IL1RAP: variants seen among roughly 807,000 people sequenced by gnomAD.
IL1RAP encodes interleukin 1 receptor accessory protein.
In IL1RAP, 35 loss-of-function variants were observed where a neutral mutation model predicts 60.7. The observed-to-expected ratio is 0.58, with a 90% confidence interval of 0.44 to 0.76. The LOEUF is 0.76. IL1RAP is among the 30% of genes least tolerant of loss of function. IL1RAP has a pLI of 0.00. For missense variants in IL1RAP, 572 were observed against 693.9 expected (o/e 0.82, Z 1.97); for synonymous variants, 268 against 250.9 (o/e 1.07, Z -0.64).
chr3:190,627,397 A>G lies in IL1RAP; in HGVS notation c.850A>G (p.Ile284Val). 1 of 1,613,394 alleles carries G rather than the reference A, an allele frequency of 6.2e-7. No individual in the cohort carries two copies. Among genetic ancestry groups the G allele is most frequent in the South Asian group, 1.1e-5 (1 of 91,050 alleles). Residue 284 changes from isoleucine to valine, a missense_variant, in exon 8 of 12, where the codon ATT becomes GTT. Coordinates refer to ENST00000447382, the MANE Select transcript of IL1RAP (RefSeq NM_002182.4). Reference protein sequence around the residue: ...MDSRNEVWWTIDGKKPDDITI... With the variant: ...MDSRNEVWWTVDGKKPDDITI... The stretch of plus-strand genomic sequence containing the variant: ...TTCTCGCAATGAGGTTTGGTGGACC[A>G]TTGATGGAAAAAAACCTGATGACAT...
chr3:190,580,092 T>A (rs1577648894), intron 3 of IL1RAP, among the ~76,000 whole-genome samples: 1 of 152,364 alleles, frequency 6.6e-6, no homozygotes, highest in East Asian at 1.9e-4. Flanking sequence ...GGTATATAGC[T>A]GTAAGTTGAA....
At chr3:190,536,408 A>G (rs2108550029) in intron 1 of IL1RAP, among the ~76,000 whole-genome samples, 1 of 152,068 alleles carries the variant, frequency 6.6e-6, no homozygotes, top group South Asian at 2.1e-4. Context: ...CCAGCTGTTG[A>G]GGTATGACTG....
intron 3 of IL1RAP, among the ~76,000 whole-genome samples, chr3:190,566,133 A>G (rs901016907): frequency 9.9e-5 from 15 of 151,948 alleles, no homozygotes; most frequent in African/African-American, 3.4e-4. Context: ...GCCTGAGGGC[A>G]GGAACTTGTT....
chr3:190,518,968 ATT>A (rs1465295689), intron 1 of IL1RAP: 1 of 152,174 alleles, frequency 6.6e-6, no homozygotes, highest in Non-Finnish European at 1.5e-5. Context: ...TACGCATTTT[ATT>A]CTAGAGTTAG....
At chr3:190,659,422 T>C (rs1196392973) in exon 12 of IL1RAP, 1 of 152,200 alleles carries the variant, frequency 6.6e-6, no homozygotes, top group African/African-American at 2.4e-5. Flanking sequence ...ATACTTCTAC[T>C]GTATGGAGAA....
At chr3:190,639,739 C>T (rs191274694) in intron 9 of IL1RAP, among the ~76,000 whole-genome samples, 72 of 152,222 alleles carry the variant, frequency 4.7e-4, no homozygotes, top group Admixed American at 2.9e-3. Flanking sequence ...AAATTTTGTT[C>T]TAGAGGGTAA....
chr3:190,571,667 T>C (rs1726937629), intron 3 of IL1RAP, among the ~76,000 whole-genome samples: 1 of 152,250 alleles, frequency 6.6e-6, no homozygotes, highest in Admixed American at 6.5e-5. Flanking sequence ...AATTAACATA[T>C]GTATTACCTA....
chr3:190,563,129 C>T (rs532874204), intron 2 of IL1RAP, among the ~76,000 whole-genome samples: 32 of 152,214 alleles, frequency 2.1e-4, no homozygotes, highest in African/African-American at 7.2e-4. Flanking sequence ...TAAAATTGGC[C>T]CATTTTAAAT....
chr3:190,551,474 TC>T (rs746220956), intron 1 of IL1RAP, among the ~76,000 whole-genome samples: 29 of 152,212 alleles, frequency 1.9e-4, no homozygotes, highest in Admixed American at 7.2e-4. Flanking sequence ...GGATACTTAC[TC>T]AATTATTAAA....
At chr3:190,653,003 G>A (rs2108872668), downstream of IL1RAP, among the ~76,000 whole-genome samples, 1 of 152,222 alleles carries the variant, frequency 6.6e-6, no homozygotes, top group Non-Finnish European at 1.5e-5. Context: ...GACGGGTTTA[G>A]CAACTAGTCT....
intron 3 of IL1RAP, among the ~76,000 whole-genome samples, chr3:190,591,731 G>A (rs1008446990): frequency 1.3e-5 from 2 of 152,094 alleles, no homozygotes; most frequent in African/African-American, 4.8e-5. Flanking sequence ...GAGAGCAAAA[G>A]CTGTTTGATT....
Position 190,604,162 on chromosome 3 carries a change from G to A in IL1RAP, c.99G>A (p.Arg33=). 1 of 1,613,868 alleles carries A rather than the reference G, an allele frequency of 6.2e-7. No individual in the cohort carries two copies. The highest frequency in any genetic ancestry group is 1.1e-5 in the South Asian group (1 of 91,062). Residue 33 remains arginine, a synonymous_variant, in exon 4 of 12, where the codon AGG becomes AGA. Coordinates refer to ENST00000447382, the MANE Select transcript of IL1RAP (RefSeq NM_002182.4). ...ATGACTGGGGACTAGACACCATGAG[G>A]CAAATCCAAGTGTTTGAAGATGAGC... ...RCDDWGLDTM[R]QIQVFEDEPA... is the part of the protein sequence containing the mutation.
chr3:190,613,438 T>C (rs1424536122), intron 5 of IL1RAP, among the ~76,000 whole-genome samples: 2 of 152,048 alleles, frequency 1.3e-5, no homozygotes, highest in Non-Finnish European at 2.9e-5. Context: ...GAAAATTGGG[T>C]GCATTCATGT....
chr3:190,593,637 G>T (rs781439689), intron 3 of IL1RAP, among the ~76,000 whole-genome samples: 2 of 151,902 alleles, frequency 1.3e-5, no homozygotes, highest in African/African-American at 4.8e-5. Flanking sequence ...GTGTGCAGGG[G>T]TACTCTCCTT....
chr3:190,548,184 G>A (rs903469790), intron 1 of IL1RAP, among the ~76,000 whole-genome samples: 3 of 152,064 alleles, frequency 2.0e-5, no homozygotes, highest in African/African-American at 2.4e-5. Context: ...CAGAACTTAC[G>A]GTGGCATCTG....
At chr3:190,617,205 T>C (rs1731354966) in intron 5 of IL1RAP, among the ~76,000 whole-genome samples, 1 of 152,224 alleles carries the variant, frequency 6.6e-6, no homozygotes, top group Admixed American at 6.5e-5. Flanking sequence ...GTTGCAATCC[T>C]TCATTAGACC....
At chr3:190,579,964 A>C (rs545329712) in intron 3 of IL1RAP, among the ~76,000 whole-genome samples, 1 of 152,208 alleles carries the variant, frequency 6.6e-6, no homozygotes, top group African/African-American at 2.4e-5. Flanking sequence ...TAATTGAGAA[A>C]TATTCTTCAT....
intron 9 of IL1RAP, 169 bp from the exon 10 acceptor site, chr3:190,644,079 C>T: frequency 1.0e-6 from 1 of 960,344 alleles, no homozygotes; most frequent in African/African-American, 1.8e-5. Flanking sequence ...AAACATAACA[C>T]AGTCTAGTAT....
chr3:190,515,437 A>G (rs746573971), intron 1 of IL1RAP, among the ~76,000 whole-genome samples: 1 of 152,052 alleles, frequency 6.6e-6, no homozygotes, highest in Non-Finnish European at 1.5e-5. Flanking sequence ...CAGAAAGGTG[A>G]TTTCATACCA....
Sources: gnomAD v4.1 joint callset for allele counts (sites outside exome capture counted in the v4.1 genomes callset) on GRCh38, gnomAD v4.1.1 for gene constraint, MANE v1.5 for transcripts, NCBI Gene and HGNC (gene_info 2026-07-23, HGNC 2026-07-21) for gene names.